The following STK32B variants were observed in gnomAD, a reference collection of about 807,000 sequenced individuals.
STK32B encodes the protein serine/threonine-protein kinase 32B.
STK32B carries 43 observed loss-of-function variants against 52.6 expected under a neutral mutation model. The ratio of observed to expected loss-of-function variants is 0.82; its 90% CI spans 0.64 to 1.05. The LOEUF is 1.05. Ranked by LOEUF, STK32B falls within the 50% of genes least tolerant of loss-of-function variation. The probability of loss-of-function intolerance (pLI) is 0.00; values close to 1 mark genes in which losing one functional copy is unlikely to be tolerated. For missense variants in STK32B, 621 were observed against 534.6 expected (o/e 1.16, Z -1.59); for synonymous variants, 238 against 204.3 (o/e 1.17, Z -1.41).
chr4:5,138,060 C>T (rs1208862622), intron 1 of STK32B, among the ~76,000 whole-genome samples: 2 of 152,134 alleles, frequency 1.3e-5, no homozygotes, highest in African/African-American at 4.8e-5. Flanking sequence ...GCAGTCCAAG[C>T]TCATTGCTTT....
chr4:5,215,107 G>T (rs1723109355), intron 3 of STK32B, among the ~76,000 whole-genome samples: 1 of 152,170 alleles, frequency 6.6e-6, no homozygotes, highest in Non-Finnish European at 1.5e-5. Context: ...TGCTAAATGG[G>T]ATCTTTATTG....
chr4:5,314,262 C>T (rs1454189786), intron 3 of STK32B, among the ~76,000 whole-genome samples: 3 of 152,186 alleles, frequency 2.0e-5, no homozygotes, highest in African/African-American at 7.2e-5. Context: ...ATATGCCCAA[C>T]TGCAAAGTTT....
At chr4:5,428,325 G>A (rs560990179) in intron 6 of STK32B, among the ~76,000 whole-genome samples, 8 of 151,930 alleles carry the variant, frequency 5.3e-5, no homozygotes, top group Admixed American at 2.0e-4. Context: ...GGAGAATGGC[G>A]TGAACCCGGG....
At chr4:5,152,459 A>G (rs958723866) in intron 2 of STK32B, among the ~76,000 whole-genome samples, 2 of 152,214 alleles carry the variant, frequency 1.3e-5, no homozygotes, top group Non-Finnish European at 2.9e-5. Context: ...CAAACTGTTT[A>G]TTTGAAGATG....
At chr4:5,021,879 G>C in the STK32B span, among the ~76,000 whole-genome samples, 1 of 152,194 alleles carries the variant, frequency 6.6e-6, no homozygotes, top group Non-Finnish European at 1.5e-5. Flanking sequence ...AGGAGTCACA[G>C]TCAGTGGGGA....
chr4:5,059,468 A>G (rs1365416088), intron 1 of STK32B, among the ~76,000 whole-genome samples: 1 of 152,190 alleles, frequency 6.6e-6, no homozygotes, highest in Non-Finnish European at 1.5e-5. Flanking sequence ...TTGAGATGAT[A>G]TGTGACTTTT....
intron 3 of STK32B, among the ~76,000 whole-genome samples, chr4:5,180,228 G>A (rs1050040196): frequency 6.6e-6 from 1 of 152,212 alleles, no homozygotes; most frequent in Non-Finnish European, 1.5e-5. Context: ...CCTGAACCAT[G>A]TGATTTGCAA....
At chr4:5,452,435 GGGAGGTAAT>G (rs1209011152) in intron 7 of STK32B, among the ~76,000 whole-genome samples, 1 of 152,146 alleles carries the variant, frequency 6.6e-6, no homozygotes, top group African/African-American at 2.4e-5. Context: ...TCACAAGCCT[GGGAGGTAAT>G]GGAGTCTGTG....
At chr4:5,337,711 A>G (rs995397430) in intron 4 of STK32B, among the ~76,000 whole-genome samples, 2 of 146,710 alleles carry the variant, frequency 1.4e-5, no homozygotes, top group African/African-American at 2.5e-5. Flanking sequence ...GAGGTTCAGG[A>G]AAAAAAAAAA....
intron 2 of STK32B, among the ~76,000 whole-genome samples, chr4:5,160,717 G>A (rs148378983): frequency 1.3e-5 from 2 of 152,338 alleles, no homozygotes; most frequent in African/African-American, 4.8e-5. Context: ...TGCAGTGAAC[G>A]TAAGAGAAAA....
chr4:5,346,324 A>G (rs1265817672), intron 4 of STK32B, among the ~76,000 whole-genome samples: 1 of 152,144 alleles, frequency 6.6e-6, no homozygotes, highest in Non-Finnish European at 1.5e-5. Flanking sequence ...ACATGAAGGA[A>G]TGTAAGAGTC....
chr4:5,286,295 T>C (rs890231328), intron 3 of STK32B, among the ~76,000 whole-genome samples: 6 of 152,216 alleles, frequency 3.9e-5, no homozygotes, highest in African/African-American at 1.4e-4. Context: ...ACAAGTCATC[T>C]ATAAGATGTG....
intron 1 of STK32B, among the ~76,000 whole-genome samples, chr4:5,125,542 T>C (rs1368720766): frequency 2.0e-5 from 3 of 152,114 alleles, no homozygotes; most frequent in Non-Finnish European, 4.4e-5. Context: ...CAGCCTTACT[T>C]GGCCTGAGGC....
chr4:5,199,616 G>A (rs1472224951), intron 3 of STK32B, among the ~76,000 whole-genome samples: 1 of 151,228 alleles, frequency 6.6e-6, no homozygotes, highest in African/African-American at 2.4e-5. Flanking sequence ...TTTCTAATTT[G>A]ACTAAGGTTT....
chr4:5,419,806 A>C (rs1712472055), intron 6 of STK32B, among the ~76,000 whole-genome samples: 1 of 152,110 alleles, frequency 6.6e-6, no homozygotes, highest in Admixed American at 6.6e-5. Flanking sequence ...ATTTGGGGAG[A>C]TTCAAAATCT....
chr4:5,133,187 G>T (rs927018305), intron 1 of STK32B, among the ~76,000 whole-genome samples: 1 of 152,228 alleles, frequency 6.6e-6, no homozygotes, highest in Non-Finnish European at 1.5e-5. Context: ...TGTGTGTTTT[G>T]TTCACTGTTG....
intron 11 of STK32B, among the ~76,000 whole-genome samples, chr4:5,477,118 TA>T (rs1718298803): frequency 6.6e-6 from 1 of 152,110 alleles, no homozygotes; most frequent in African/African-American, 2.4e-5. Flanking sequence ...TCCAGGAACT[TA>T]AAAGGCTCCC....
intron 3 of STK32B, chr4:5,204,155 T>G (rs1722374092): frequency 6.6e-6 from 1 of 152,160 alleles, no homozygotes; most frequent in South Asian, 2.1e-4. Context: ...AGAACTCAAC[T>G]AAGAAAGCTG....
At chr4:5,059,560 A>C (rs980210194) in intron 1 of STK32B, among the ~76,000 whole-genome samples, 4 of 152,218 alleles carry the variant, frequency 2.6e-5, no homozygotes, top group Non-Finnish European at 5.9e-5. Flanking sequence ...GGTAAACACC[A>C]CTTCATCATG....
Sources: allele counts gnomAD v4.1 joint callset (sites outside exome capture counted in the v4.1 genomes callset), GRCh38; gene constraint gnomAD v4.1.1; transcripts MANE v1.5; gene names NCBI Gene and HGNC (gene_info 2026-07-23, HGNC 2026-07-21).